The following MTMR1 variants were observed in gnomAD, a reference collection of about 807,000 sequenced individuals.
The protein encoded by MTMR1 is myotubularin related protein 1, also known as phosphatidylinositol-3-phosphate phosphatase MTMR1.
In MTMR1, 17 loss-of-function variants were observed where a neutral mutation model predicts 51.6. The ratio of observed to expected loss-of-function variants is 0.33; its 90% CI spans 0.23 to 0.49. MTMR1 has a LOEUF of 0.49. Among genes scored for constraint, MTMR1 ranks in the 20% least tolerant of loss-of-function variants. MTMR1 has a pLI of 0.99. For synonymous variants in MTMR1, 201 were observed against 205.6 expected, an observed-to-expected ratio of 0.98 and a Z score of 0.19; for missense variants, 386 against 526.9, an observed-to-expected ratio of 0.73 and a Z score of 2.62.
In MTMR1 at chrX:150,760,931, C is replaced by CA. The variant is rs56341623; in HGVS notation, c.1858-1617dup. ...GAGAGAGTGAGACTGCATTCCGCCT[C>CA]AAAAAAAAAAAAAAAAAGAAAAAGA... On this transcript the variant is annotated intron_variant, in intron 15 of 15. Transcript: ENST00000445323. Among the ~76,000 whole-genome samples the CA allele has an allele frequency of 1.8e-3, 138 of 74,768 alleles. 1 individual carries two copies. Among genetic ancestry groups the CA allele is most frequent in the African/African-American group, 5.6e-3 (115 of 20,712 alleles). 64.9% of individuals were successfully genotyped at this position (74,768 alleles called of 115,157 possible). A position where few individuals can be genotyped will look rare whatever the true frequency, so the allele number is the denominator to read the frequency against.
At chrX:150,720,749 T>G (rs1318986472) in intron 4 of MTMR1, among the ~76,000 whole-genome samples, 2 of 112,357 alleles carry the variant, frequency 1.8e-5, no homozygotes, top group Non-Finnish European at 3.8e-5. Context: ...TAGCCGTATA[T>G]GAGCATTCCA....
chrX:150,717,079 G>A (rs1262809359), intron 3 of MTMR1, among the ~76,000 whole-genome samples: 1 of 110,965 alleles, frequency 9.0e-6, no homozygotes, highest in African/African-American at 3.3e-5. Context: ...AGCAAATGAG[G>A]CCGGGCGCGG....
intron 1 of MTMR1, among the ~76,000 whole-genome samples, chrX:150,695,859 A>G (rs1395614210): frequency 1.8e-5 from 2 of 110,931 alleles, no homozygotes; most frequent in Non-Finnish European, 3.8e-5. Flanking sequence ...TGGGCTAGGA[A>G]TAGGGCTGGG....
At chrX:150,704,189 G>A (rs1557416009) in intron 2 of MTMR1, among the ~76,000 whole-genome samples, 2 of 111,184 alleles carry the variant, frequency 1.8e-5, no homozygotes, top group African/African-American at 6.6e-5. Context: ...TTTTTGCCAC[G>A]TATGTCCCAG....
In MTMR1 at chrX:150,764,237, G is replaced by GAGAA. The variant is rs1326766155; in HGVS notation, c.*1513_*1516dup. On this transcript the variant is annotated 3_prime_UTR_variant, in exon 16 of 16. Coordinates refer to ENST00000445323, the MANE Select transcript of MTMR1 (RefSeq NM_001306144.3). ...TATGTTAAGGGTTTTTTCGTAGAGA[G>GAGAA]AGAAAGAATGGATTTTTTTTTAACT... 2 of 112,276 alleles carry GAGAA rather than the reference G, an allele frequency of 1.8e-5. No homozygotes were observed. Among genetic ancestry groups the GAGAA allele is most frequent in the African/African-American group, 3.2e-5 (1 of 30,887 alleles). 9.3% of individuals were successfully genotyped at this position (112,276 alleles called of 1,213,427 possible).
intron 2 of MTMR1, among the ~76,000 whole-genome samples, chrX:150,707,695 A>G (rs1603236161): frequency 8.9e-6 from 1 of 112,501 alleles, no homozygotes; most frequent in Admixed American, 9.4e-5. Context: ...TGCACCTGCC[A>G]TATGACCAAA....
At chrX:150,758,861 T>C (rs1313145313) in intron 15 of MTMR1, among the ~76,000 whole-genome samples, 2 of 112,064 alleles carry the variant, frequency 1.8e-5, no homozygotes, top group African/African-American at 6.5e-5. Flanking sequence ...GACATGTCCC[T>C]GCTTGTTATT....
chrX:150,748,026 A>G (rs1557417499), intron 13 of MTMR1, among the ~76,000 whole-genome samples: 1 of 111,838 alleles, frequency 8.9e-6, no homozygotes, highest in African/African-American at 3.3e-5. Flanking sequence ...GTGTCTGGTG[A>G]GGGCTTGCTT....
intron 15 of MTMR1, among the ~76,000 whole-genome samples, chrX:150,758,981 C>T (rs1314270457): frequency 8.9e-6 from 1 of 112,184 alleles, no homozygotes; most frequent in African/African-American, 3.2e-5. Flanking sequence ...TCCATGTGCC[C>T]AGGAACTATG....
At chrX:150,753,163 C>T (rs1178740772) in intron 14 of MTMR1, among the ~76,000 whole-genome samples, 13 of 112,403 alleles carry the variant, frequency 1.2e-4, no homozygotes, top group Non-Finnish European at 3.7e-5. Flanking sequence ...CATCTATGCA[C>T]CAATACATCC....
At chrX:150,728,038 C>T (rs1178294989) in intron 6 of MTMR1, among the ~76,000 whole-genome samples, 3 of 111,944 alleles carry the variant, frequency 2.7e-5, no homozygotes, top group African/African-American at 9.7e-5. Flanking sequence ...TCCAGGACCT[C>T]TGCCTCAGAT....
rs1337534388 is a variant in MTMR1, at chrX:150,764,440, A to G, written c.*1711A>G. 8.9e-6 allele frequency: 1 copy of G among 112,321 alleles called. No individual in the cohort carries two copies. Among genetic ancestry groups the G allele is most frequent in the Non-Finnish European group, 1.9e-5 (1 of 53,281 alleles). The allele number at this position is 112,321 out of a possible 1,213,427, so 9.3% of individuals were successfully genotyped here. On this transcript the variant is annotated 3_prime_UTR_variant, in exon 16 of 16. Transcript: ENST00000445323. Reference sequence around the variant, plus strand: ...TCCTAACATATCTGAAAGCTTATTTATGAATGGATATACTGGATTATTGAT... The same window carrying G: ...TCCTAACATATCTGAAAGCTTATTTGTGAATGGATATACTGGATTATTGAT...
At chrX:150,708,884 G>A (rs1557416139) in intron 2 of MTMR1, among the ~76,000 whole-genome samples, 1 of 111,822 alleles carries the variant, frequency 8.9e-6, no homozygotes, top group Admixed American at 9.4e-5. Flanking sequence ...GTTCGCCTGA[G>A]GTCCTGTGGC....
chrX:150,694,921 T>G (rs1281085479), intron 1 of MTMR1, among the ~76,000 whole-genome samples: 1 of 112,252 alleles, frequency 8.9e-6, no homozygotes, highest in East Asian at 2.8e-4. Context: ...GTACTCAGGA[T>G]GGGCATGCAT....
intron 12 of MTMR1, among the ~76,000 whole-genome samples, chrX:150,742,358 A>G (rs1361650597): frequency 1.8e-5 from 2 of 111,879 alleles, no homozygotes; most frequent in Non-Finnish European, 3.8e-5. Context: ...CAGTAAAAAT[A>G]TGGTATTATA....
intron 2 of MTMR1, among the ~76,000 whole-genome samples, chrX:150,701,796 G>A (rs1043599828): frequency 8.0e-5 from 9 of 112,003 alleles, no homozygotes; most frequent in Non-Finnish European, 1.9e-5. Flanking sequence ...AGTGTGCTGT[G>A]GTCACACTTG....
chrX:150,739,768 C>T (rs142881677), intron 12 of MTMR1, among the ~76,000 whole-genome samples: 86 of 112,464 alleles, frequency 7.6e-4, no homozygotes, highest in African/African-American at 2.7e-3. Context: ...TGTTAATGTG[C>T]AGCATCTTGT....
At chrX:150,740,338 T>C (rs2042389801) in intron 12 of MTMR1, among the ~76,000 whole-genome samples, 1 of 111,985 alleles carries the variant, frequency 8.9e-6, no homozygotes, top group African/African-American at 3.3e-5. Context: ...GAGCATTCGA[T>C]GCTGTTGATT....
chrX:150,760,774 A>G (rs2148684546), intron 15 of MTMR1, among the ~76,000 whole-genome samples: 1 of 110,102 alleles, frequency 9.1e-6, no homozygotes, highest in South Asian at 3.9e-4. Flanking sequence ...AAATACAAAA[A>G]TTAGCCAGAC....
Sources: gnomAD v4.1 joint callset for allele counts (sites outside exome capture counted in the v4.1 genomes callset) on GRCh38, gnomAD v4.1.1 for gene constraint, MANE v1.5 for transcripts, NCBI Gene and HGNC (gene_info 2026-07-23, HGNC 2026-07-21) for gene names.